The following PIEZO1 variants were observed in gnomAD, a reference collection of about 807,000 sequenced individuals.
The protein encoded by PIEZO1 is piezo-type mechanosensitive ion channel component 1.
Under a neutral mutation model 297.2 loss-of-function variants are expected in PIEZO1, and 296 were observed. The observed-to-expected ratio is 1.00, with a 90% CI of 0.91 to 1.10. The LOEUF (loss-of-function observed/expected upper bound fraction) is 1.10. Ranked by LOEUF, PIEZO1 falls within the 50% of genes least tolerant of loss-of-function variation. The pLI is 0.00. For synonymous variants in PIEZO1, 2,427 were observed against 1,507.5 expected (o/e 1.61, Z -14.13); for missense variants, 5,018 against 3,455.5 (o/e 1.45, Z -11.34).
chr16:88,731,959 A>AGATGCACTGAGTCTGGGGAT, intron 21 of PIEZO1, 49 bp from the exon 22 acceptor site: 1 of 59,668 alleles, frequency 1.7e-5, no homozygotes, highest in East Asian at 3.9e-4. Flanking sequence ...GTCTGGGGGG[A>AGATGCACTGAGTCTGGGGAT]GGGACTTTCT....
In PIEZO1 at chr16:88,723,340, C is replaced by T. The variant is rs766078279; in HGVS notation, c.4336-12G>A. The T allele has an allele frequency of 1.3e-6, 2 of 1,536,740 alleles. No homozygotes were observed. The highest frequency in any genetic ancestry group is 1.7e-6 in the Non-Finnish European group (2 of 1,146,476). Reference sequence around the variant, plus strand: ...GCCTGGTACGCCAGCTGTCGGCCAGCCCCCGGGTTAGGACCCGGCCTCCCG... The same window carrying T: ...GCCTGGTACGCCAGCTGTCGGCCAGTCCCCGGGTTAGGACCCGGCCTCCCG... On this transcript the variant is annotated splice_polypyrimidine_tract_variant and intron_variant, in intron 31 of 50. Transcript: ENST00000301015.
intron 44 of PIEZO1, chr16:88,719,107 T>G (rs1258800147): frequency 1.2e-5 from 2 of 167,156 alleles, no homozygotes; most frequent in Non-Finnish European, 2.6e-5. Flanking sequence ...CCTGGGTCTC[T>G]TACAGTGCTG....
Position 88,737,639 on chromosome 16 carries a change from A to G in PIEZO1, c.1115T>C (p.Val372Ala), listed in dbSNP as rs1905320813. 1 of 1,534,688 alleles carries G rather than the reference A, an allele frequency of 6.5e-7. No individual in the cohort carries two copies. ...PQERESDQHV[V>A]PTAPDTEADN... ...AGCCTCGGTGTCGGGTGCTGTGGGC[A>G]CCACGTGCTGTGGGCAAGCAGCGCT... Residue 372 changes from valine (V) to alanine (A), a missense_variant, in exon 10 of 51, where the codon GTG (valine) becomes GCG (alanine). By Grantham distance (64) the Val-to-Ala change is moderately conservative (BLOSUM62 0). Coordinates refer to ENST00000301015, the MANE Select transcript of PIEZO1 (RefSeq NM_001142864.4).
chr16:88,725,705 GGT>G, intron 27 of PIEZO1, 21 bp from the exon 28 acceptor site: 1 of 1,328,344 alleles, frequency 7.5e-7, no homozygotes, highest in Non-Finnish European at 1.1e-6. Context: ...GCGGGGATGG[GGT>G]GTGAGCACCA....
chr16:88,722,745 G>A, intron 34 of PIEZO1, 56 bp from the exon 35 acceptor site: 7 of 1,528,388 alleles, frequency 4.6e-6, no homozygotes, highest in Non-Finnish European at 6.1e-6. Flanking sequence ...CCCACACGGG[G>A]TTTCGTGCAG....
chr16:88,720,806 C>G, intron 39 of PIEZO1, 58 bp from the exon 40 acceptor site: 1 of 1,439,870 alleles, frequency 6.9e-7, no homozygotes, highest in East Asian at 2.5e-5. Flanking sequence ...TGGCTCATGG[C>G]TCCTGACCAC....
intron 1 of PIEZO1, among the ~76,000 whole-genome samples, chr16:88,763,203 G>A (rs898198119): frequency 2.0e-5 from 3 of 152,178 alleles, no homozygotes; most frequent in Non-Finnish European, 4.4e-5. Context: ...GCCGGCTCCT[G>A]GCGGCTCAGG....
rs1040929962 is a variant in PIEZO1, at chr16:88,726,893, A to C, written c.3521T>G (p.Val1174Gly). 3.9e-6 allele frequency: 6 copies of C among 1,550,194 alleles called. No homozygotes were observed. Among genetic ancestry groups the C allele is most frequent in the Non-Finnish European group, 5.2e-6 (6 of 1,146,886 alleles). ...GATGCGGGTGGCCCCCGTGACAAAC[A>C]CCACCACCAGCACCAGCCAGAACAG... is the stretch of plus-strand genomic sequence containing the variant. Reference protein sequence around the residue: ...RYLFWLVLVVVFVTGATRISI... With the variant: ...RYLFWLVLVVGFVTGATRISI... The change falls in exon 25 of 51, where the codon GTG (valine) becomes GGG (glycine). Residue 1174 changes from valine to glycine, a missense_variant. Physicochemically the swap from Val to Gly is moderately radical, Grantham distance 109. Coordinates refer to ENST00000301015, the MANE Select transcript of PIEZO1 (RefSeq NM_001142864.4).
intron 11 of PIEZO1, 53 bp from the exon 12 acceptor site, chr16:88,736,461 GCCCC>G (rs1290062742): frequency 3.0e-6 from 4 of 1,338,666 alleles, no homozygotes; most frequent in Middle Eastern, 2.5e-4. Flanking sequence ...CCCAGGCGAT[GCCCC>G]ACACCTGCGC....
chr16:88,725,118 G>T, intron 29 of PIEZO1, 38 bp from the exon 30 acceptor site: 2 of 1,411,332 alleles, frequency 1.4e-6, no homozygotes, highest in Non-Finnish European at 1.9e-6. Context: ...CAGCAGTCAA[G>T]CCACCAGGAG....
chr16:88,749,026 A>C (rs947949516), intron 2 of PIEZO1, among the ~76,000 whole-genome samples: 1 of 150,194 alleles, frequency 6.7e-6, no homozygotes, highest in Non-Finnish European at 1.5e-5. Flanking sequence ...TCACAAGGTC[A>C]GGAGATCGAG....
chr16:88,722,830 G>T lies in PIEZO1; in HGVS notation c.4668+7C>A, dbSNP rs1264763551. The T allele has an allele frequency of 4.5e-6, 7 of 1,544,076 alleles. No individual in the cohort carries two copies. The African/African-American group carries it at 8.2e-5, about 18-fold the overall frequency. On this transcript the variant is annotated splice_region_variant and intron_variant, in intron 34 of 50. Transcript: ENST00000301015. ...CAGGGACGAGCGTGGTGCACGGGCA[G>T]GCTCACCTGCAGGAGCTCCTGTGTG...
chr16:88,731,010 C>A (rs1904765575), intron 22 of PIEZO1, among the ~76,000 whole-genome samples: 1 of 152,250 alleles, frequency 6.6e-6, no homozygotes, highest in African/African-American at 2.4e-5. Context: ...GCCACGTGCA[C>A]AAATGTGACT....
At chr16:88,751,150 C>T (rs1218441278) in intron 1 of PIEZO1, among the ~76,000 whole-genome samples, 2 of 152,192 alleles carry the variant, frequency 1.3e-5, no homozygotes. Flanking sequence ...CACCCACCTG[C>T]CCCTCAGTCC....
intron 14 of PIEZO1, 27 bp from the exon 15 acceptor site, chr16:88,734,825 G>T (rs1331355222): frequency 6.5e-7 from 1 of 1,550,154 alleles, no homozygotes; most frequent in African/African-American, 1.4e-5. Context: ...GGGTGGTGAG[G>T]ACCGCGGGGA....
Position 88,723,228 on chromosome 16 carries a change from G to A in PIEZO1, c.4436C>T (p.Thr1479Ile), listed in dbSNP as rs894894890. 1.3e-6 allele frequency: 2 copies of A among 1,547,526 alleles called. No homozygotes were observed. The highest frequency in any genetic ancestry group is 1.7e-6 in the Non-Finnish European group (2 of 1,146,820). Residue 1479 changes from threonine (T) to isoleucine (I), a missense_variant and splice_region_variant, in exon 32 of 51, where the codon ACA becomes ATA. Physicochemically the swap from Thr to Ile is moderately conservative, Grantham distance 89. Transcript: ENST00000301015. ...AGTCCCCACGCCCCCCAGCTCACCT[G>A]TGGGTAGCTGTCCTGCCTGTTCCTG... is the stretch of plus-strand genomic sequence containing the variant. ...ARQEQAGQLP[T>I]GGGPSQEVEP...
chr16:88,732,465 C>G lies in PIEZO1; in HGVS notation c.2861G>C (p.Arg954Pro). Residue 954 changes from arginine to proline, a missense_variant, in exon 21 of 51, where the codon CGG becomes CCG. Physicochemically the swap from Arg to Pro is moderately radical, Grantham distance 103. Coordinates refer to ENST00000301015, the MANE Select transcript of PIEZO1 (RefSeq NM_001142864.4). ...IVYRRQEHYR[R>P]QHQLAPLPAQ... ...AGGCAGCGGGGCCAGCTGGTGCTGC[C>G]GGCGGTAGTGCTCCTGGCGCCGGTA... The G allele has an allele frequency of 6.5e-7, 1 of 1,549,390 alleles. No homozygotes were observed. The highest frequency in any genetic ancestry group is 8.7e-7 in the Non-Finnish European group (1 of 1,146,326).
At position 88,730,001 on chromosome 16, in the gene PIEZO1, G is replaced by A. The variant is rs74033376; in HGVS notation, c.3196+1705C>T. Among the ~76,000 whole-genome samples, 398 of 152,408 alleles carry A rather than the reference G, an allele frequency of 2.6e-3. 3 individuals are homozygous for A. Among genetic ancestry groups the A allele is most frequent in the African/African-American group, 9.3e-3 (385 of 41,602 alleles). On this transcript the variant is annotated intron_variant, in intron 22 of 50. Transcript: ENST00000301015. ...TGCATGGCGCAGCCGCGTGGAAGGAGGCAGAAGAAGGGGAGCTGGCCTAGG... is the reference window on the plus strand; with the variant it reads ...TGCATGGCGCAGCCGCGTGGAAGGAAGCAGAAGAAGGGGAGCTGGCCTAGG...
chr16:88,768,165 G>A (rs1410646498), intron 1 of PIEZO1, among the ~76,000 whole-genome samples: 1 of 152,244 alleles, frequency 6.6e-6, no homozygotes, highest in Non-Finnish European at 1.5e-5. Context: ...CCTCGGTCCA[G>A]GGCTGCCAGC....
Sources: gnomAD v4.1 joint callset for allele counts (sites outside exome capture counted in the v4.1 genomes callset) on GRCh38, gnomAD v4.1.1 for gene constraint, MANE v1.5 for transcripts, NCBI Gene and HGNC (gene_info 2026-07-23, HGNC 2026-07-21) for gene names.